Variants in GSE1 observed in about 807,000 individuals in gnomAD.
The protein encoded by GSE1 is Gse1 coiled-coil protein, also known as genetic suppressor element 1.
Under a neutral mutation model 112.6 loss-of-function variants are expected in GSE1, and 32 were observed. The observed-to-expected ratio is 0.28, with a 90% confidence interval of 0.21 to 0.38. The LOEUF is 0.38. Among genes scored for constraint, GSE1 ranks in the 10% least tolerant of loss-of-function variants. The pLI is 1.00. For synonymous variants in GSE1, 1,115 were observed against 735.6 expected (o/e 1.52, Z -8.35); for missense variants, 2,348 against 1,699.2 (o/e 1.38, Z -6.71).
At chr16:85,265,673 C>T (rs533331571) in intron 1 of GSE1, among the ~76,000 whole-genome samples, 1 of 152,122 alleles carries the variant, frequency 6.6e-6, no homozygotes, top group Non-Finnish European at 1.5e-5. Context: ...CACTGAAAGA[C>T]CATGTGTTTG....
At chr16:85,628,882 G>A (rs912508306) in intron 1 of GSE1, among the ~76,000 whole-genome samples, 1 of 152,206 alleles carries the variant, frequency 6.6e-6, no homozygotes, top group African/African-American at 2.4e-5. Context: ...ACCACTGATA[G>A]GGTTTGGATG....
chr16:85,649,075 C>T (rs1032568826), intron 3 of GSE1, among the ~76,000 whole-genome samples: 2 of 152,204 alleles, frequency 1.3e-5, no homozygotes, highest in Non-Finnish European at 2.9e-5. Flanking sequence ...GAGGCCTCTC[C>T]TGGGTTGCCG....
At chr16:85,200,087 G>A (rs571828003) in intron 1 of GSE1, among the ~76,000 whole-genome samples, 5 of 152,212 alleles carry the variant, frequency 3.3e-5, no homozygotes, top group Admixed American at 6.5e-5. Context: ...CACCCTCTGC[G>A]GGCTGAAGAT....
At chr16:85,360,465 GACCC>G (rs762559278) in intron 2 of GSE1, among the ~76,000 whole-genome samples, 16 of 152,216 alleles carry the variant, frequency 1.1e-4, no homozygotes, top group East Asian at 7.7e-4. Flanking sequence ...CTCAGCCAGA[GACCC>G]ACCAGGAGCA....
intron 2 of GSE1, among the ~76,000 whole-genome samples, chr16:85,432,688 G>A (rs1394066742): frequency 1.3e-5 from 2 of 152,178 alleles, no homozygotes; most frequent in African/African-American, 2.4e-5. Flanking sequence ...ATTCTTGAGG[G>A]ACCACTGTGT....
intron 2 of GSE1, among the ~76,000 whole-genome samples, chr16:85,433,739 A>G (rs952112807): frequency 2.7e-4 from 41 of 152,114 alleles, no homozygotes; most frequent in African/African-American, 9.9e-4. Context: ...GGAGGGTCAG[A>G]TGGATCAATG....
upstream of GSE1, chr16:85,613,183 G>GC (rs772837818): frequency 4.5e-4 from 636 of 1,418,192 alleles, no homozygotes; most frequent in Non-Finnish European, 5.6e-4. Flanking sequence ...CGAGCCAGTG[G>GC]CCCGGGAGTG....
At chr16:85,556,448 C>T (rs547013430) in intron 1 of GSE1, 107 of 563,396 alleles carry the variant, frequency 1.9e-4, no homozygotes, top group Middle Eastern at 8.8e-4. Flanking sequence ...TCCGCCAGAC[C>T]CCCGAGCCAG....
At chr16:85,187,853 G>A (rs1402542729) in intron 1 of GSE1, among the ~76,000 whole-genome samples, 1 of 152,202 alleles carries the variant, frequency 6.6e-6, no homozygotes, top group Non-Finnish European at 1.5e-5. Flanking sequence ...GTTATTTAGG[G>A]GCAGAGGAAA....
intron 2 of GSE1, among the ~76,000 whole-genome samples, chr16:85,494,453 C>CTTT (rs55779671): frequency 4.9e-5 from 7 of 142,912 alleles, no homozygotes; most frequent in African/African-American, 5.2e-5. Flanking sequence ...ATAAGGTCAC[C>CTTT]TTTTTTTTTT....
At chr16:85,638,786 C>T (rs78187784) in intron 2 of GSE1, among the ~76,000 whole-genome samples, 7,528 of 151,706 alleles carry the variant, frequency 0.05, 268 homozygotes, top group East Asian at 0.14. Flanking sequence ...CCCGTCCTAC[C>T]CCTGTGACCC....
intron 1 of GSE1, among the ~76,000 whole-genome samples, chr16:85,216,971 C>T (rs1374137696): frequency 6.6e-6 from 1 of 152,200 alleles, no homozygotes; most frequent in African/African-American, 2.4e-5. Flanking sequence ...AGCGGCAAGC[C>T]CCTGATGCTT....
chr16:85,605,750 C>T (rs1350244772), intron 1 of GSE1, among the ~76,000 whole-genome samples: 1 of 151,976 alleles, frequency 6.6e-6, no homozygotes, highest in Non-Finnish European at 1.5e-5. Flanking sequence ...CGTCTGGCCC[C>T]AGGGTGTTTT....
At chr16:85,503,860 CAT>C (rs909695290) in intron 2 of GSE1, among the ~76,000 whole-genome samples, 7 of 152,186 alleles carry the variant, frequency 4.6e-5, no homozygotes, top group Non-Finnish European at 7.3e-5. Flanking sequence ...AGGTAAATAA[CAT>C]ATTATGCCAG....
chr16:85,484,582 GC>G (rs1355748597), intron 2 of GSE1, among the ~76,000 whole-genome samples: 1 of 152,230 alleles, frequency 6.6e-6, no homozygotes, highest in East Asian at 1.9e-4. Context: ...CAGGGGCCAG[GC>G]CCATTGGAAC....
chr16:85,284,650 C>T (rs945259731), intron 1 of GSE1, among the ~76,000 whole-genome samples: 16 of 152,188 alleles, frequency 1.1e-4, no homozygotes, highest in African/African-American at 2.7e-4. Context: ...ATTAAACGCC[C>T]GCTGCTGGGA....
intron 2 of GSE1, among the ~76,000 whole-genome samples, chr16:85,492,494 G>T (rs928927349): frequency 6.6e-6 from 1 of 152,168 alleles, no homozygotes; most frequent in Non-Finnish European, 1.5e-5. Context: ...CTGTTCTGAG[G>T]GCCTCACCCA....
At chr16:85,465,111 C>A (rs547784832) in intron 2 of GSE1, among the ~76,000 whole-genome samples, 36 of 152,386 alleles carry the variant, frequency 2.4e-4, no homozygotes, top group African/African-American at 7.9e-4. Context: ...CCACTGGCAT[C>A]TCTTCCTTCA....
chr16:85,441,770 T>C (rs952521896), intron 2 of GSE1, among the ~76,000 whole-genome samples: 2 of 152,184 alleles, frequency 1.3e-5, no homozygotes. Flanking sequence ...GACACCAGGA[T>C]TGATGGCAGT....
Sources: gnomAD v4.1 joint callset for allele counts (sites outside exome capture counted in the v4.1 genomes callset) on GRCh38, gnomAD v4.1.1 for gene constraint, MANE v1.5 for transcripts, NCBI Gene and HGNC (gene_info 2026-07-23, HGNC 2026-07-21) for gene names.